Variants in LHPP observed in about 807,000 individuals in gnomAD.
The protein encoded by LHPP is hLHPP.
Under a neutral mutation model 30.3 loss-of-function variants are expected in LHPP, and 24 were observed. The observed-to-expected ratio is 0.79, with a 90% CI of 0.57 to 1.11. The LOEUF is 1.11. Ranked by LOEUF, LHPP falls within the 50% of genes most tolerant of loss-of-function variation. LHPP has a pLI of 0.00. For synonymous variants in LHPP, 150 were observed against 157.1 expected, an observed-to-expected ratio of 0.95 and a Z score of 0.34; for missense variants, 356 against 367.2, an observed-to-expected ratio of 0.97 and a Z score of 0.25.
chr10:124,612,419 T>TA (rs781698980), intron 6 of LHPP, among the ~76,000 whole-genome samples: 2 of 151,652 alleles, frequency 1.3e-5, no homozygotes, highest in African/African-American at 2.4e-5. Context: ...AAATAAAAAA[T>TA]AAAAAAGGCT....
In LHPP at chr10:124,541,106, C is replaced by T. The variant is rs886602992; in HGVS notation, c.716+23835C>T. On this transcript the variant is annotated intron_variant, in intron 6 of 6. Coordinates refer to ENST00000368842, the MANE Select transcript of LHPP (RefSeq NM_022126.4). The surrounding 1 kb of genome is among the most constrained non-coding windows in gnomAD (Gnocchi z 4.2). ...AAAGTGGCCCTGGGCCCTGGGATGG[C>T]CGGAGGAGAGCCTGCCATACCCACG... 2.0e-5 allele frequency among the ~76,000 whole-genome samples: 3 copies of T among 152,144 alleles called. No individual in the cohort carries two copies. Among genetic ancestry groups the T allele is most frequent in the African/African-American group, 7.2e-5 (3 of 41,408 alleles).
chr10:124,591,878 A>G (rs183826192), intron 6 of LHPP, among the ~76,000 whole-genome samples: 369 of 152,144 alleles, frequency 2.4e-3, no homozygotes, highest in African/African-American at 8.6e-3. Flanking sequence ...AGCTAGCAAC[A>G]CTTCCTGGTT....
intron 1 of LHPP, among the ~76,000 whole-genome samples, chr10:124,476,052 C>G (rs1952934354): frequency 6.6e-6 from 1 of 152,088 alleles, no homozygotes; most frequent in African/African-American, 2.4e-5. Context: ...AGAGAACACT[C>G]TAGATGGGAG....
rs568457090 is a variant in LHPP at position 124,596,333 on chromosome 10, C to T, written c.717-16931C>T. Among the ~76,000 whole-genome samples the T allele has an allele frequency of 1.3e-5, 2 of 152,266 alleles. No individual in the cohort carries two copies. Among genetic ancestry groups the T allele is most frequent in the Admixed American group, 1.3e-4 (2 of 15,294 alleles). ...TGTAGGAGACTCTTGCCAAACATTT[C>T]TCCAGAGTGTCTGATGTACCATGTT... On this transcript the variant is annotated intron_variant, in intron 6 of 6. Transcript: ENST00000368842. This position sits in a 1 kb window ranked among gnomAD's most constrained non-coding sequence, Gnocchi z 4.6.
chr10:124,605,790 G>A (rs10901782), intron 6 of LHPP, among the ~76,000 whole-genome samples: 111,117 of 150,630 alleles, frequency 0.74, 41,124 homozygotes, highest in Non-Finnish European at 0.74. Context: ...ATTTAGGGAA[G>A]CCACTCTGGC....
At chr10:124,482,742 T>G (rs756982010) in intron 1 of LHPP, among the ~76,000 whole-genome samples, 3 of 152,042 alleles carry the variant, frequency 2.0e-5, no homozygotes, top group Non-Finnish European at 4.4e-5. Flanking sequence ...ACCCTGGCCC[T>G]CTCTCTTGCT....
At chr10:124,492,591 C>T (rs367903313) in intron 3 of LHPP, among the ~76,000 whole-genome samples, 6 of 152,294 alleles carry the variant, frequency 3.9e-5, no homozygotes, top group South Asian at 2.1e-4. Context: ...CCTAGTTCAC[C>T]GATTTAAATG....
intron 6 of LHPP, among the ~76,000 whole-genome samples, chr10:124,594,288 C>T (rs1253181341): frequency 7.3e-6 from 1 of 136,584 alleles, no homozygotes; most frequent in East Asian, 2.3e-4. Flanking sequence ...CAAGATCATG[C>T]CATTGCACTC....
rs746949964 is a variant in LHPP, at chr10:124,499,127, G to A, written c.624+999G>A. On this transcript the variant is annotated intron_variant, in intron 5 of 6. Transcript: ENST00000368842. ...ATTCCTGACCTCAGGTTATCTGCCC[G>A]CCTTGGCCTCTCAAAGTGCTGGGAT... Among the ~76,000 whole-genome samples the A allele has an allele frequency of 9.9e-5, 15 of 151,678 alleles. 1 individual carries two copies. Among genetic ancestry groups the A allele is most frequent in the Admixed American group, 2.6e-4 (4 of 15,244 alleles).
intron 6 of LHPP, among the ~76,000 whole-genome samples, chr10:124,570,219 C>T (rs1272995926): frequency 1.3e-5 from 2 of 152,184 alleles, no homozygotes; most frequent in Non-Finnish European, 2.9e-5. Flanking sequence ...CCACAGTGAC[C>T]GTCACAGCCC....
chr10:124,497,920 C>G (rs1953774685), intron 4 of LHPP, 116 bp from the exon 5 acceptor site: 1 of 803,818 alleles, frequency 1.2e-6, no homozygotes, highest in Non-Finnish European at 2.1e-6. Context: ...CCACAGCATC[C>G]TGCTTCTTCA....
intron 6 of LHPP, among the ~76,000 whole-genome samples, chr10:124,522,729 C>CCG (rs1045893147): frequency 3.3e-5 from 5 of 149,506 alleles, no homozygotes; most frequent in Non-Finnish European, 7.4e-5. Context: ...CCACGCCCCC[C>CCG]CCCAAGCACT....
intron 6 of LHPP, among the ~76,000 whole-genome samples, chr10:124,526,920 G>T (rs1221302069): frequency 6.6e-6 from 1 of 152,234 alleles, no homozygotes; most frequent in East Asian, 1.9e-4. Flanking sequence ...GGAAGAAGGG[G>T]CCCGCAGTGA....
At chr10:124,581,741 CAATTTT>C (rs1467795519) in intron 6 of LHPP, among the ~76,000 whole-genome samples, 1 of 146,658 alleles carries the variant, frequency 6.8e-6, no homozygotes, top group African/African-American at 2.6e-5. Context: ...ATTTTTTGCA[CAATTTT>C]AATACATACA....
intron 6 of LHPP, among the ~76,000 whole-genome samples, chr10:124,610,338 A>AGCGGGTGAGGGTGAGGGTGAGGGTGCTGG (rs1949156908): frequency 3.8e-5 from 1 of 26,088 alleles, no homozygotes; most frequent in Non-Finnish European, 8.3e-5. Context: ...GAGGGTGCTG[A>AGCGGGTGAGGGTGAGGGTGAGGGTGCTGG]TGGAGCGGGT....
intron 6 of LHPP, among the ~76,000 whole-genome samples, chr10:124,520,874 G>A (rs1954593831): frequency 6.6e-6 from 1 of 152,242 alleles, no homozygotes; most frequent in South Asian, 2.1e-4. Context: ...GAGACTGGGT[G>A]GGGAGAAAGG....
At chr10:124,557,111 C>T (rs1274137149) in intron 6 of LHPP, among the ~76,000 whole-genome samples, 2 of 152,176 alleles carry the variant, frequency 1.3e-5, no homozygotes, top group South Asian at 2.1e-4. Flanking sequence ...GGAGTCCACG[C>T]GGACCAGGGT....
chr10:124,464,166 G>C (rs991579429), intron 1 of LHPP, among the ~76,000 whole-genome samples: 8 of 152,178 alleles, frequency 5.3e-5, no homozygotes, highest in African/African-American at 1.7e-4. Flanking sequence ...CCTGGGCTTT[G>C]TAAGGCCTCC....
chr10:124,541,333 G>C lies in LHPP; in HGVS notation c.716+24062G>C, dbSNP rs11245272. Among the ~76,000 whole-genome samples, 51,069 of 152,160 alleles carry C rather than the reference G, an allele frequency of 0.34. 8,966 individuals carry two copies. Among genetic ancestry groups the C allele is most frequent in the Non-Finnish European group, 0.39 (26,732 of 67,970 alleles). ...AGGGAGGCTGACTTTATCGAGGGCT[G>C]CTTTGTGGCGGGCGTTCATTGTGGA... On this transcript the variant is annotated intron_variant, in intron 6 of 6. Transcript: ENST00000368842. The surrounding 1 kb of genome is among the most constrained non-coding windows in gnomAD (Gnocchi z 4.2).
Sources: gnomAD v4.1 joint callset for allele counts (sites outside exome capture counted in the v4.1 genomes callset) on GRCh38, gnomAD v4.1.1 for gene constraint, Gnocchi (gnomAD v3.1) non-coding constraint, MANE v1.5 for transcripts, NCBI Gene and HGNC (gene_info 2026-07-23, HGNC 2026-07-21) for gene names.